PRELID2: variants seen among roughly 807,000 people sequenced by gnomAD.
PRELID2 encodes the protein PRELI domain containing 2, also known as PRELI domain-containing protein 2.
A neutral mutation model predicts 28.4 loss-of-function variants in PRELID2; 25 were observed. The ratio of observed to expected loss-of-function variants is 0.88; its 90% CI spans 0.64 to 1.23. The LOEUF (loss-of-function observed/expected upper bound fraction) is 1.23. Among genes scored for constraint, PRELID2 ranks in the 50% most tolerant of loss-of-function variants. PRELID2 has a pLI of 0.00. For missense variants in PRELID2, 201 were observed against 214.4 expected, an observed-to-expected ratio of 0.94 and a Z score of 0.39; for synonymous variants, 76 against 71.6, an observed-to-expected ratio of 1.06 and a Z score of -0.31.
At chr5:145,715,591 C>T (rs2149713417) in intron 1 of PRELID2, among the ~76,000 whole-genome samples, 1 of 152,312 alleles carries the variant, frequency 6.6e-6, no homozygotes, top group South Asian at 2.1e-4. Context: ...TACAACCACC[C>T]ACATGATTGG....
chr5:145,248,523 A>T, the PRELID2 span, among the ~76,000 whole-genome samples: 3 of 152,102 alleles, frequency 2.0e-5, no homozygotes, highest in Non-Finnish European at 2.9e-5. Context: ...GGCCAGGTGC[A>T]GTGGCTCACA....
At chr5:145,651,978 C>G (rs1328955902) in intron 1 of PRELID2, among the ~76,000 whole-genome samples, 1 of 152,106 alleles carries the variant, frequency 6.6e-6, no homozygotes, top group Non-Finnish European at 1.5e-5. Context: ...GAAGTTTGAA[C>G]CCATCGCAAA....
At position 145,478,883 on chromosome 5, in the gene PRELID2, G is replaced by T. The variant is rs79983557; in HGVS notation, n.71-5568C>A. Among the ~76,000 whole-genome samples the T allele has an allele frequency of 2.5e-3, 377 of 152,266 alleles. 2 individuals carry two copies. The highest frequency in any genetic ancestry group is 7.7e-3 in the African/African-American group (319 of 41,562). Reference sequence around the variant, plus strand: ...TCTGTTGATAACAAAATATCAGGTTGCCTTTTAGCCATAACAGAGCCAAAA... The same window carrying T: ...TCTGTTGATAACAAAATATCAGGTTTCCTTTTAGCCATAACAGAGCCAAAA... On this transcript the variant is annotated intron_variant and non_coding_transcript_variant, in intron 1 of 2. Coordinates refer to the PRELID2 transcript ENST00000510259.
chr5:145,409,311 G>T, the PRELID2 span, among the ~76,000 whole-genome samples: 1 of 151,614 alleles, frequency 6.6e-6, no homozygotes. Context: ...TAACACAATG[G>T]GAAAAAAACA....
intron 1 of PRELID2, among the ~76,000 whole-genome samples, chr5:145,530,533 G>A (rs1752646789): frequency 6.6e-6 from 1 of 152,014 alleles, no homozygotes; most frequent in African/African-American, 2.4e-5. Context: ...GGACGATGAT[G>A]AGTAAGGAGA....
At chr5:145,295,327 A>G in the PRELID2 span, among the ~76,000 whole-genome samples, 2 of 152,174 alleles carry the variant, frequency 1.3e-5, no homozygotes, top group African/African-American at 2.4e-5. Context: ...AAAAAAGAAG[A>G]ATCATGGTAA....
the PRELID2 span, among the ~76,000 whole-genome samples, chr5:145,235,898 G>A: frequency 6.6e-6 from 1 of 152,120 alleles, no homozygotes; most frequent in East Asian, 1.9e-4. Flanking sequence ...AACTAAACAG[G>A]AGCCAGTGCA....
At chr5:145,661,939 G>A (rs1468401901) in intron 1 of PRELID2, among the ~76,000 whole-genome samples, 2 of 152,102 alleles carry the variant, frequency 1.3e-5, no homozygotes, top group Non-Finnish European at 2.9e-5. Context: ...ACAGAGCATG[G>A]CCAAAGGAGA....
At chr5:145,335,683 G>C in the PRELID2 span, among the ~76,000 whole-genome samples, 1 of 152,100 alleles carries the variant, frequency 6.6e-6, no homozygotes, top group Non-Finnish European at 1.5e-5. Context: ...CAAAACCAAT[G>C]GAATATAGCA....
chr5:145,245,403 AAGAAAGAGAAAGAG>A, the PRELID2 span, among the ~76,000 whole-genome samples: 1 of 150,976 alleles, frequency 6.6e-6, no homozygotes, highest in East Asian at 1.9e-4. Flanking sequence ...GCGGGTAGAA[AAGAAAGAGAAAGAG>A]AGAGAGAGAG....
At chr5:145,259,187 A>C in the PRELID2 span, among the ~76,000 whole-genome samples, 1 of 152,230 alleles carries the variant, frequency 6.6e-6, no homozygotes, top group Non-Finnish European at 1.5e-5. Flanking sequence ...AGCCTGCTGC[A>C]GGAGCAGAGC....
intron 1 of PRELID2, among the ~76,000 whole-genome samples, chr5:145,540,874 A>G (rs1313881593): frequency 6.6e-6 from 1 of 152,026 alleles, no homozygotes; most frequent in Non-Finnish European, 1.5e-5. Context: ...TTTCGAAAAT[A>G]TCAAGGAATT....
At chr5:145,666,403 A>T (rs1164651999) in intron 1 of PRELID2, among the ~76,000 whole-genome samples, 3 of 152,120 alleles carry the variant, frequency 2.0e-5, no homozygotes, top group Non-Finnish European at 4.4e-5. Flanking sequence ...ATACAGAGCT[A>T]CAATGGGAAA....
At chr5:145,743,411 CA>C (rs59424142) in intron 1 of PRELID2, among the ~76,000 whole-genome samples, 3,507 of 101,544 alleles carry the variant, frequency 0.035, 109 homozygotes, top group African/African-American at 0.11. Context: ...AACTCTGCGG[CA>C]AAAAAAAAAA....
intron 1 of PRELID2, among the ~76,000 whole-genome samples, chr5:145,596,055 T>C (rs2149634342): frequency 7.3e-6 from 1 of 137,084 alleles, no homozygotes; most frequent in South Asian, 2.3e-4. Context: ...GTGGCACCAC[T>C]GCACATTGCA....
chr5:145,288,252 TAG>T, the PRELID2 span, among the ~76,000 whole-genome samples: 4 of 152,156 alleles, frequency 2.6e-5, no homozygotes, highest in Admixed American at 1.3e-4. Flanking sequence ...TCACCCCCAA[TAG>T]AGATTTAACT....
At chr5:145,819,499 G>A in intron 3 of PRELID2, 1 of 832,914 alleles carries the variant, frequency 1.2e-6, no homozygotes, top group Non-Finnish European at 2.0e-6. Flanking sequence ...AAGACTTACA[G>A]AGGGTGTGGA....
chr5:145,723,730 A>G (rs980356947), intron 1 of PRELID2, among the ~76,000 whole-genome samples: 1 of 152,222 alleles, frequency 6.6e-6, no homozygotes, highest in Non-Finnish European at 1.5e-5. Context: ...AGGCACTCTC[A>G]TTCATTGCTG....
At chr5:145,331,130 T>C in the PRELID2 span, among the ~76,000 whole-genome samples, 1 of 152,216 alleles carries the variant, frequency 6.6e-6, no homozygotes, top group African/African-American at 2.4e-5. Flanking sequence ...TGCACTGTGG[T>C]CTGAGAGACT....
Sources: gnomAD v4.1 joint callset for allele counts (sites outside exome capture counted in the v4.1 genomes callset) on GRCh38, gnomAD v4.1.1 for gene constraint, MANE v1.5 for transcripts, NCBI Gene and HGNC (gene_info 2026-07-23, HGNC 2026-07-21) for gene names.